The following MRPS28 variants were observed in gnomAD, a reference collection of about 807,000 sequenced individuals.
The protein encoded by MRPS28 is small ribosomal subunit protein bS1m.
A neutral mutation model predicts 10.8 loss-of-function variants in MRPS28; 7 were observed. That is an observed-to-expected ratio of 0.65 (90% CI 0.37 to 1.22). MRPS28 has a LOEUF of 1.22. Among genes scored for constraint, MRPS28 ranks in the 50% most tolerant of loss-of-function variants. The pLI, the probability that MRPS28 is intolerant of heterozygous loss-of-function variation, is 0.02. For synonymous variants in MRPS28, 121 were observed against 93.3 expected (o/e 1.30, Z -1.71); for missense variants, 265 against 232.9 (o/e 1.14, Z -0.90).
chr8:79,980,049 T>C (rs938307820), intron 2 of MRPS28, among the ~76,000 whole-genome samples: 19 of 151,192 alleles, frequency 1.3e-4, no homozygotes, highest in African/African-American at 3.4e-4. Flanking sequence ...ACCTTCCTCA[T>C]CTATTAAATA....
At chr8:79,932,619 G>A (rs548262487) in intron 2 of MRPS28, among the ~76,000 whole-genome samples, 8 of 152,214 alleles carry the variant, frequency 5.3e-5, no homozygotes, top group African/African-American at 1.9e-4. Context: ...GTGAATGATC[G>A]AATTTCTGTT....
chr8:79,982,433 A>T (rs1156861854), intron 2 of MRPS28, among the ~76,000 whole-genome samples: 3 of 152,162 alleles, frequency 2.0e-5, no homozygotes, highest in Non-Finnish European at 4.4e-5. Flanking sequence ...GTTGCAGCGC[A>T]CCGTGCGTGA....
intron 2 of MRPS28, among the ~76,000 whole-genome samples, chr8:79,996,345 G>A (rs1240642281): frequency 6.6e-6 from 1 of 152,126 alleles, no homozygotes; most frequent in Non-Finnish European, 1.5e-5. Context: ...TAGCTTATTG[G>A]GGGTTACACT....
chr8:80,021,203 A>ATGTTGG (rs1404895455), intron 1 of MRPS28, among the ~76,000 whole-genome samples: 1 of 152,080 alleles, frequency 6.6e-6, no homozygotes, highest in Non-Finnish European at 1.5e-5. Context: ...GGGTTTCACC[A>ATGTTGG]TGTTGGTCAG....
chr8:80,017,331 G>A (rs933836496), intron 1 of MRPS28, among the ~76,000 whole-genome samples: 8 of 152,068 alleles, frequency 5.3e-5, no homozygotes, highest in Non-Finnish European at 7.4e-5. Flanking sequence ...TAGAATCAAC[G>A]AAAGCAAAAG....
intron 1 of MRPS28, among the ~76,000 whole-genome samples, chr8:80,011,685 G>A (rs531397854): frequency 1.9e-3 from 293 of 152,038 alleles, no homozygotes; most frequent in African/African-American, 6.8e-3. Flanking sequence ...CCCAGGAGGC[G>A]GAGGTTGCAG....
chr8:79,935,411 A>G (rs1392328425), intron 2 of MRPS28, among the ~76,000 whole-genome samples: 1 of 151,972 alleles, frequency 6.6e-6, no homozygotes, highest in Non-Finnish European at 1.5e-5. Context: ...TTGGTAAGGA[A>G]ATGGTCTTTC....
At chr8:79,968,874 T>C (rs1807564361) in intron 2 of MRPS28, among the ~76,000 whole-genome samples, 1 of 152,204 alleles carries the variant, frequency 6.6e-6, no homozygotes, top group African/African-American at 2.4e-5. Flanking sequence ...TTGCAAATGT[T>C]TGAATCTAGG....
intron 2 of MRPS28, among the ~76,000 whole-genome samples, chr8:79,987,539 C>A (rs1329401595): frequency 6.6e-6 from 1 of 152,044 alleles, no homozygotes; most frequent in Non-Finnish European, 1.5e-5. Flanking sequence ...TGACAAAGGG[C>A]TAATATCCAG....
chr8:79,973,388 C>T (rs1026670194), intron 2 of MRPS28, among the ~76,000 whole-genome samples: 1 of 152,126 alleles, frequency 6.6e-6, no homozygotes, highest in African/African-American at 2.4e-5. Context: ...TACCCTCAGC[C>T]ACGAGCAGTG....
At chr8:79,947,323 A>G (rs186834850) in intron 2 of MRPS28, among the ~76,000 whole-genome samples, 34 of 152,318 alleles carry the variant, frequency 2.2e-4, no homozygotes, top group African/African-American at 7.7e-4. Context: ...ACCATACTGT[A>G]TTGTTACAAT....
At chr8:80,026,038 AC>A (rs1331789778) in intron 1 of MRPS28, among the ~76,000 whole-genome samples, 5 of 152,230 alleles carry the variant, frequency 3.3e-5, no homozygotes, top group African/African-American at 4.8e-5. Context: ...TTTACATTTC[AC>A]ATAATAACCT....
chr8:79,989,152 AATT>A (rs1808282216), intron 2 of MRPS28, among the ~76,000 whole-genome samples: 2 of 152,140 alleles, frequency 1.3e-5, no homozygotes, highest in African/African-American at 4.8e-5. Flanking sequence ...AATGAACGGT[AATT>A]TGGGAATGGG....
intron 2 of MRPS28, 147 bp from the exon 3 acceptor site, chr8:79,919,295 C>T (rs888201490): frequency 2.0e-6 from 1 of 505,284 alleles, no homozygotes; most frequent in African/African-American, 2.1e-5. Flanking sequence ...CTGTATTTGA[C>T]AAAAAAGTAA....
intron 1 of MRPS28, among the ~76,000 whole-genome samples, chr8:80,014,271 G>A (rs1809137708): frequency 6.6e-6 from 1 of 152,048 alleles, no homozygotes; most frequent in African/African-American, 2.4e-5. Context: ...CTGGTAATAG[G>A]CATGTATTAT....
At chr8:80,005,195 A>G (rs1808796994) in intron 1 of MRPS28, among the ~76,000 whole-genome samples, 1 of 152,188 alleles carries the variant, frequency 6.6e-6, no homozygotes, top group African/African-American at 2.4e-5. Context: ...CAGATTCACC[A>G]AAGTTGAAAT....
intron 2 of MRPS28, among the ~76,000 whole-genome samples, chr8:79,939,981 A>AT: frequency 6.6e-6 from 1 of 151,544 alleles, no homozygotes; most frequent in East Asian, 1.9e-4. Context: ...CTCAAATAAA[A>AT]AAAAAAAAAA....
At chr8:79,946,515 A>G (rs1288909646) in intron 2 of MRPS28, among the ~76,000 whole-genome samples, 1 of 152,158 alleles carries the variant, frequency 6.6e-6, no homozygotes, top group African/African-American at 2.4e-5. Flanking sequence ...AGACCTAGTT[A>G]TTAAAAACAT....
chr8:79,927,390 G>A (rs563362561), intron 2 of MRPS28, among the ~76,000 whole-genome samples: 1 of 152,278 alleles, frequency 6.6e-6, no homozygotes, highest in South Asian at 2.1e-4. Flanking sequence ...TCCCTAAAAT[G>A]TCCTTAATAA....
Sources: gnomAD v4.1 joint callset for allele counts (sites outside exome capture counted in the v4.1 genomes callset) on GRCh38, gnomAD v4.1.1 for gene constraint, MANE v1.5 for transcripts, NCBI Gene and HGNC (gene_info 2026-07-23, HGNC 2026-07-21) for gene names.